The following OCA2 variants were observed in gnomAD, a reference collection of about 807,000 sequenced individuals.
OCA2 encodes P protein.
A neutral mutation model predicts 100.2 loss-of-function variants in OCA2; 77 were observed. The ratio of observed to expected loss-of-function variants is 0.77; its 90% confidence interval spans 0.64 to 0.93. The LOEUF (loss-of-function observed/expected upper bound fraction) is 0.93, where lower values mean the gene tolerates loss of function less well. Among genes scored for constraint, OCA2 ranks in the 40% least tolerant of loss-of-function variants. OCA2 has a pLI of 0.00. For missense variants in OCA2, 1,062 were observed against 1,089.1 expected (o/e 0.98, Z 0.35); for synonymous variants, 432 against 439.2 (o/e 0.98, Z 0.21).
At chr15:27,759,589 T>C (rs1353142194) in intron 23 of OCA2, among the ~76,000 whole-genome samples, 3 of 151,800 alleles carry the variant, frequency 2.0e-5, no homozygotes, top group East Asian at 3.9e-4. Context: ...GGATATTGCA[T>C]ATAGATAAAG....
intron 9 of OCA2, among the ~76,000 whole-genome samples, chr15:28,012,173 T>C (rs772490892): frequency 1.1e-4 from 16 of 152,172 alleles, no homozygotes; most frequent in Non-Finnish European, 1.8e-4. Context: ...GGCAAATAAA[T>C]ACATGAAAAG....
At chr15:27,891,015 C>G (rs1409525961) in intron 19 of OCA2, among the ~76,000 whole-genome samples, 1 of 146,078 alleles carries the variant, frequency 6.8e-6, no homozygotes, top group African/African-American at 2.7e-5. Context: ...CAGAGTGAGA[C>G]TCCATCTCAA....
At chr15:27,831,234 C>T (rs1309726772) in intron 23 of OCA2, among the ~76,000 whole-genome samples, 1 of 141,242 alleles carries the variant, frequency 7.1e-6, no homozygotes, top group East Asian at 2.1e-4. Flanking sequence ...TGCAGCGAGC[C>T]GAGATTGTGC....
chr15:28,074,506 C>G (rs1325625180), intron 2 of OCA2, among the ~76,000 whole-genome samples: 2 of 152,106 alleles, frequency 1.3e-5, no homozygotes, highest in African/African-American at 4.8e-5. Context: ...AACCCCGTCT[C>G]TACTAAAAAT....
At chr15:27,891,023 C>CAAAAAAAAAAAA (rs578093435) in intron 19 of OCA2, among the ~76,000 whole-genome samples, 3 of 118,004 alleles carry the variant, frequency 2.5e-5, no homozygotes, top group African/African-American at 9.5e-5. Context: ...GACTCCATCT[C>CAAAAAAAAAAAA]AAAAAAAAAA....
chr15:27,936,521 C>T (rs2039458033), intron 18 of OCA2, among the ~76,000 whole-genome samples: 1 of 152,198 alleles, frequency 6.6e-6, no homozygotes, highest in Non-Finnish European at 1.5e-5. Flanking sequence ...TCTTCCTGCA[C>T]TGCTTGGCCA....
At chr15:28,094,543 T>G (rs937696872) in intron 1 of OCA2, among the ~76,000 whole-genome samples, 5 of 151,806 alleles carry the variant, frequency 3.3e-5, no homozygotes, top group African/African-American at 1.2e-4. Flanking sequence ...AAAGAAAAAA[T>G]AGATAGTTGT....
intron 2 of OCA2, among the ~76,000 whole-genome samples, chr15:28,034,784 AATACATACATACACAC>A (rs749791451): frequency 0.02 from 3,011 of 152,290 alleles, 54 homozygotes; most frequent in African/African-American, 0.048. Context: ...CACAAAAACA[AATACATACATACACAC>A]TTAATAATGA....
chr15:27,822,861 T>C (rs544779124), intron 23 of OCA2, among the ~76,000 whole-genome samples: 117 of 152,334 alleles, frequency 7.7e-4, no homozygotes, highest in African/African-American at 2.7e-3. Flanking sequence ...CCCTTAATGG[T>C]AACTTTTGAT....
At chr15:27,726,210 A>C in the OCA2 span, among the ~76,000 whole-genome samples, 1 of 152,076 alleles carries the variant, frequency 6.6e-6, no homozygotes, top group African/African-American at 2.4e-5. Flanking sequence ...AGGCAGGAGA[A>C]TCGCTCTAAT....
At chr15:27,980,271 G>A (rs1289771379) in intron 14 of OCA2, among the ~76,000 whole-genome samples, 2 of 152,006 alleles carry the variant, frequency 1.3e-5, no homozygotes, top group African/African-American at 4.8e-5. Context: ...GGGACTACAG[G>A]CACCCAATAC....
At position 27,814,929 on chromosome 15, in the gene OCA2, TAG is replaced by T. The variant is rs1566985769; in HGVS notation, c.2432+30028_2432+30029del. Among the ~76,000 whole-genome samples, 15 of 149,448 alleles carry T rather than the reference TAG, an allele frequency of 1.0e-4. No individual in the cohort carries two copies. The East Asian group carries it at 1.6e-3, about 16-fold the overall frequency. Reference sequence around the variant, plus strand: ...ATAGATAGATAGATAGATAGATAGATAGATAGATAGATAGATACAGAGATATA... The same window carrying T: ...ATAGATAGATAGATAGATAGATAGATATAGATAGATAGATACAGAGATATA... On this transcript the variant is annotated intron_variant, in intron 23 of 23. Coordinates refer to ENST00000354638, the MANE Select transcript of OCA2 (RefSeq NM_000275.3).
At chr15:28,047,357 T>C (rs753585661) in intron 2 of OCA2, among the ~76,000 whole-genome samples, 1 of 152,190 alleles carries the variant, frequency 6.6e-6, no homozygotes, top group East Asian at 1.9e-4. Flanking sequence ...AACACTGGCA[T>C]AGAGGATGAA....
At position 28,015,120 on chromosome 15, in the gene OCA2, C is replaced by T. The variant is rs148882552; in HGVS notation, c.891-191G>A. On this transcript the variant is annotated intron_variant, in intron 8 of 23. Coordinates refer to ENST00000354638, the MANE Select transcript of OCA2 (RefSeq NM_000275.3). The stretch of plus-strand genomic sequence containing the variant: ...GATGCAGCCTCCCTGCAGCCAAGCC[C>T]GACTGGTCCAAGCAGGCCCCTCAGC... 9.2e-5 allele frequency among the ~76,000 whole-genome samples: 14 copies of T among 152,284 alleles called. No individual in the cohort carries two copies. The East Asian group carries it at 2.5e-3, about 27-fold the overall frequency.
At chr15:27,796,829 T>C (rs1015212150) in intron 23 of OCA2, among the ~76,000 whole-genome samples, 6 of 152,136 alleles carry the variant, frequency 3.9e-5, no homozygotes, top group Non-Finnish European at 8.8e-5. Context: ...CTCCCCCTTT[T>C]CCTCATCCAA....
intron 23 of OCA2, among the ~76,000 whole-genome samples, chr15:27,818,648 T>C (rs2034397197): frequency 1.3e-5 from 2 of 152,134 alleles, no homozygotes; most frequent in South Asian, 2.1e-4. Context: ...AGGATGCAGC[T>C]GGGCAAAACT....
intron 18 of OCA2, among the ~76,000 whole-genome samples, chr15:27,929,221 G>A (rs2039156826): frequency 6.6e-6 from 1 of 152,062 alleles, no homozygotes; most frequent in Non-Finnish European, 1.5e-5. Flanking sequence ...AAAAGAACAA[G>A]GTTTGAGAAT....
intron 2 of OCA2, among the ~76,000 whole-genome samples, chr15:28,058,507 AC>A (rs2043774252): frequency 8.4e-6 from 1 of 119,266 alleles, no homozygotes; most frequent in Non-Finnish European, 1.7e-5. Context: ...CCCACCACCC[AC>A]CCTGCCACCC....
intron 23 of OCA2, among the ~76,000 whole-genome samples, chr15:27,844,125 G>A (rs189863969): frequency 1.2e-4 from 18 of 152,302 alleles, no homozygotes; most frequent in South Asian, 4.1e-4. Context: ...ACACACAGAC[G>A]TGTCAGCAGT....
Sources: gnomAD v4.1 joint callset for allele counts (sites outside exome capture counted in the v4.1 genomes callset) on GRCh38, gnomAD v4.1.1 for gene constraint, MANE v1.5 for transcripts, NCBI Gene and HGNC (gene_info 2026-07-23, HGNC 2026-07-21) for gene names.